The following SOX5 variants were observed in gnomAD, a reference collection of about 807,000 sequenced individuals.
The protein encoded by SOX5 is transcription factor SOX-5.
In SOX5, 9 loss-of-function variants were observed where a neutral mutation model predicts 92.0. The observed-to-expected ratio is 0.10, with a 90% CI of 0.06 to 0.17. The LOEUF is 0.17. SOX5 is among the 10% of genes least tolerant of loss of function. SOX5 has a pLI of 1.00. For missense variants in SOX5, 642 were observed against 944.5 expected, an observed-to-expected ratio of 0.68 and a Z score of 4.20; for synonymous variants, 344 against 336.3, an observed-to-expected ratio of 1.02 and a Z score of -0.25.
At chr12:23,624,011 A>T (rs1423003776) in intron 8 of SOX5, among the ~76,000 whole-genome samples, 1 of 152,166 alleles carries the variant, frequency 6.6e-6, no homozygotes, top group Non-Finnish European at 1.5e-5. Context: ...AGTCTTAAAA[A>T]GGCATGGAAT....
chr12:23,730,874 A>C (rs1353625741), intron 6 of SOX5, among the ~76,000 whole-genome samples: 1 of 152,168 alleles, frequency 6.6e-6, no homozygotes, highest in Non-Finnish European at 1.5e-5. Flanking sequence ...ATACGTGTCC[A>C]GTTGTCTGGA....
At chr12:24,067,538 T>C (rs1260159343) in intron 4 of SOX5, among the ~76,000 whole-genome samples, 2 of 152,140 alleles carry the variant, frequency 1.3e-5, no homozygotes, top group Non-Finnish European at 2.9e-5. Context: ...ATGATATCAT[T>C]ATTATAGTAA....
At chr12:24,336,990 T>G (rs1214911608) in intron 2 of SOX5, among the ~76,000 whole-genome samples, 1 of 152,184 alleles carries the variant, frequency 6.6e-6, no homozygotes, top group South Asian at 2.1e-4. Context: ...ATTTGTGCAG[T>G]AGAAGTTTAA....
rs995365785 is a variant in SOX5 at position 23,531,677 on chromosome 12, C to T, written c.*2542G>A. The T allele has an allele frequency of 2.0e-5, 3 of 151,866 alleles. No homozygotes were observed. Among genetic ancestry groups the T allele is most frequent in the Admixed American group, 1.3e-4 (2 of 15,266 alleles). The allele number at this position is 151,866 out of a possible 1,614,324, so 9.4% of individuals were successfully genotyped here. A position where few individuals can be genotyped will look rare whatever the true frequency, so the allele number is the denominator to read the frequency against. ...GTCTATTTTTTCCTTATCCAGAGTGCTTAAAAACAAAACAAACAAAAACAA... is the reference window on the plus strand; with the variant it reads ...GTCTATTTTTTCCTTATCCAGAGTGTTTAAAAACAAAACAAACAAAAACAA... On this transcript the variant is annotated 3_prime_UTR_variant, in exon 15 of 15. Transcript: ENST00000451604.
chr12:24,465,869 T>G (rs1944176140), intron 1 of SOX5, among the ~76,000 whole-genome samples: 1 of 152,128 alleles, frequency 6.6e-6, no homozygotes, highest in Non-Finnish European at 1.5e-5. Flanking sequence ...ACCTGCAATA[T>G]CTAACACTAT....
intron 4 of SOX5, among the ~76,000 whole-genome samples, chr12:24,128,756 A>G (rs1433991361): frequency 6.6e-6 from 1 of 152,102 alleles, no homozygotes; most frequent in Non-Finnish European, 1.5e-5. Context: ...CTGCTATTGG[A>G]GGGCTTTAAA....
chr12:23,759,796 T>C (rs12372556), intron 3 of SOX5, among the ~76,000 whole-genome samples: 11,714 of 152,182 alleles, frequency 0.077, 542 homozygotes, highest in Non-Finnish European at 0.1. Context: ...ATGAAGTGAA[T>C]ACAGTAATTA....
At chr12:24,227,694 CTAAT>C (rs1962385257) in intron 3 of SOX5, 1 of 152,158 alleles carries the variant, frequency 6.6e-6, no homozygotes. Flanking sequence ...GTCTCATCAT[CTAAT>C]TATCACATAC....
intron 4 of SOX5, among the ~76,000 whole-genome samples, chr12:24,161,699 G>C (rs1356494846): frequency 6.6e-6 from 1 of 151,980 alleles, no homozygotes; most frequent in Non-Finnish European, 1.5e-5. Flanking sequence ...TAAAAGTCAT[G>C]GCTCATAATT....
At chr12:24,097,592 T>C (rs897018627) in intron 4 of SOX5, among the ~76,000 whole-genome samples, 1 of 152,080 alleles carries the variant, frequency 6.6e-6, no homozygotes, top group Admixed American at 6.6e-5. Context: ...TGGATGTGAA[T>C]AGCCATTTGT....
chr12:23,806,157 C>T (rs964824119), intron 3 of SOX5, among the ~76,000 whole-genome samples: 1 of 152,120 alleles, frequency 6.6e-6, no homozygotes, highest in African/African-American at 2.4e-5. Flanking sequence ...AAGTAAGGAT[C>T]TTCCATTTCC....
At chr12:23,770,428 A>G (rs982773532) in intron 3 of SOX5, among the ~76,000 whole-genome samples, 1 of 152,206 alleles carries the variant, frequency 6.6e-6, no homozygotes, top group Admixed American at 6.5e-5. Context: ...GCAACCCTGC[A>G]TTAATTCAAA....
chr12:24,225,654 A>G (rs1055804732), intron 3 of SOX5, among the ~76,000 whole-genome samples: 6 of 152,220 alleles, frequency 3.9e-5, no homozygotes, highest in African/African-American at 1.4e-4. Flanking sequence ...GATGTTGTAA[A>G]TAAAAATTAA....
At chr12:24,131,760 T>C (rs1949667091) in intron 4 of SOX5, among the ~76,000 whole-genome samples, 1 of 152,176 alleles carries the variant, frequency 6.6e-6, no homozygotes, top group Non-Finnish European at 1.5e-5. Context: ...TTGCCATGTG[T>C]AGGCTATGTG....
chr12:23,733,590 G>A (rs903872287), intron 6 of SOX5, among the ~76,000 whole-genome samples: 2 of 152,070 alleles, frequency 1.3e-5, no homozygotes, highest in African/African-American at 4.8e-5. Context: ...AAGAAAGAAG[G>A]AACAGTGATA....
chr12:24,331,923 T>C (rs1369952245), intron 2 of SOX5, among the ~76,000 whole-genome samples: 3 of 139,428 alleles, frequency 2.2e-5, no homozygotes, highest in African/African-American at 8.2e-5. Flanking sequence ...AAATTAAGTA[T>C]GTAAAGTAAA....
At chr12:24,093,937 A>G (rs1007967851) in intron 4 of SOX5, among the ~76,000 whole-genome samples, 1 of 151,944 alleles carries the variant, frequency 6.6e-6, no homozygotes, top group African/African-American at 2.4e-5. Context: ...GAAATTGTGT[A>G]TCTTTTTTTG....
intron 7 of SOX5, among the ~76,000 whole-genome samples, chr12:23,652,865 A>C (rs1171492159): frequency 6.6e-6 from 1 of 152,070 alleles, no homozygotes; most frequent in East Asian, 1.9e-4. Flanking sequence ...AATACAGGCA[A>C]TCTGTAGTAT....
intron 4 of SOX5, among the ~76,000 whole-genome samples, chr12:24,165,478 G>A (rs1468104743): frequency 1.3e-5 from 2 of 152,080 alleles, no homozygotes; most frequent in African/African-American, 2.4e-5. Flanking sequence ...TTCAAATATT[G>A]CTTTTAGAAA....
Sources: allele counts gnomAD v4.1 joint callset (sites outside exome capture counted in the v4.1 genomes callset), GRCh38; gene constraint gnomAD v4.1.1; transcripts MANE v1.5; gene names NCBI Gene and HGNC (gene_info 2026-07-23, HGNC 2026-07-21).